PLEKHM3: variants seen among roughly 807,000 people sequenced by gnomAD.
PLEKHM3 encodes the protein pleckstrin homology domain containing M3, also known as pleckstrin homology domain-containing family M member 3.
Under a neutral mutation model 81.8 loss-of-function variants are expected in PLEKHM3, and 45 were observed. That is an observed-to-expected ratio of 0.55 (90% CI 0.43 to 0.71). The LOEUF (loss-of-function observed/expected upper bound fraction) is 0.71, where lower values mean the gene tolerates loss of function less well. Among genes scored for constraint, PLEKHM3 ranks in the 30% least tolerant of loss-of-function variants. The pLI is 0.00. For synonymous variants in PLEKHM3, 352 were observed against 356.4 expected (o/e 0.99, Z 0.14); for missense variants, 788 against 924.3 (o/e 0.85, Z 1.91).
intron 6 of PLEKHM3, among the ~76,000 whole-genome samples, chr2:207,886,092 A>C (rs1687877273): frequency 6.6e-6 from 1 of 152,164 alleles, no homozygotes; most frequent in African/African-American, 2.4e-5. Context: ...AACAAAAGCT[A>C]CCATCTATTT....
At chr2:207,894,967 T>C (rs1688175781) in intron 6 of PLEKHM3, among the ~76,000 whole-genome samples, 1 of 152,182 alleles carries the variant, frequency 6.6e-6, no homozygotes, top group African/African-American at 2.4e-5. Flanking sequence ...TTAAATGAGA[T>C]AATCCACGTA....
intron 4 of PLEKHM3, among the ~76,000 whole-genome samples, chr2:207,942,266 G>A (rs924033465): frequency 6.6e-6 from 1 of 152,102 alleles, no homozygotes; most frequent in Non-Finnish European, 1.5e-5. Flanking sequence ...TCATGCCTGT[G>A]GGAGGCCGAG....
At chr2:207,918,311 A>G (rs1689063206) in intron 5 of PLEKHM3, among the ~76,000 whole-genome samples, 1 of 152,198 alleles carries the variant, frequency 6.6e-6, no homozygotes, top group African/African-American at 2.4e-5. Context: ...TCACGAGGTC[A>G]GGAGATCAAG....
chr2:207,950,304 G>A (rs1175688195), intron 3 of PLEKHM3, among the ~76,000 whole-genome samples: 3 of 152,202 alleles, frequency 2.0e-5, no homozygotes, highest in East Asian at 1.9e-4. Flanking sequence ...TATACAGACC[G>A]TCACTAGTCT....
intron 2 of PLEKHM3, among the ~76,000 whole-genome samples, chr2:207,980,450 A>G (rs761058071): frequency 2.6e-5 from 4 of 152,146 alleles, no homozygotes; most frequent in Non-Finnish European, 5.9e-5. Context: ...TTCCCCACTC[A>G]CTAAGCAACA....
At chr2:207,866,787 T>C (rs952768777) in intron 6 of PLEKHM3, among the ~76,000 whole-genome samples, 1 of 152,226 alleles carries the variant, frequency 6.6e-6, no homozygotes, top group Non-Finnish European at 1.5e-5. Context: ...AGATCTACCC[T>C]GTCTTGATCT....
chr2:207,924,197 G>T (rs1294556269), intron 5 of PLEKHM3, among the ~76,000 whole-genome samples: 3 of 151,466 alleles, frequency 2.0e-5, no homozygotes, highest in Non-Finnish European at 4.4e-5. Flanking sequence ...GAGCTGCTGC[G>T]CCTGGCCCAC....
Position 207,896,186 on chromosome 2 carries a change from G to C in PLEKHM3, c.1950+12328C>G, listed in dbSNP as rs1192388826. ...CCCTAGAGCTGGAAGGGGCTGTAAAGATTGTTTAATCCAATCCTCTCACTT... is the reference window on the plus strand; with the variant it reads ...CCCTAGAGCTGGAAGGGGCTGTAAACATTGTTTAATCCAATCCTCTCACTT... On this transcript the variant is annotated intron_variant, in intron 6 of 7. Coordinates refer to ENST00000427836, the MANE Select transcript of PLEKHM3 (RefSeq NM_001080475.3). 2.0e-5 allele frequency among the ~76,000 whole-genome samples: 3 copies of C among 152,216 alleles called. 1 individual carries two copies. Among genetic ancestry groups the C allele is most frequent in the Non-Finnish European group, 2.9e-5 (2 of 68,030 alleles).
chr2:207,888,377 ACT>A (rs1491153842), intron 6 of PLEKHM3, among the ~76,000 whole-genome samples: 2 of 146,876 alleles, frequency 1.4e-5, no homozygotes, highest in Non-Finnish European at 3.0e-5. Context: ...ACACACACAC[ACT>A]TGGATAATTC....
intron 7 of PLEKHM3, among the ~76,000 whole-genome samples, chr2:207,853,331 C>G (rs183491034): frequency 1.3e-5 from 2 of 151,418 alleles, no homozygotes; most frequent in African/African-American, 4.9e-5. Context: ...GCAGGAGAAT[C>G]GCTTGAACCT....
chr2:207,934,946 A>G (rs1689699564), intron 4 of PLEKHM3, among the ~76,000 whole-genome samples: 1 of 152,216 alleles, frequency 6.6e-6, no homozygotes. Context: ...GCCCCTGGTG[A>G]TAACGTAATG....
chr2:207,860,149 C>T (rs914876190), intron 7 of PLEKHM3, among the ~76,000 whole-genome samples: 2 of 63,798 alleles, frequency 3.1e-5, no homozygotes, highest in Non-Finnish European at 6.4e-5. Flanking sequence ...TGAACTCTGC[C>T]TCTGTGTGTG....
chr2:207,975,021 G>A (rs2106026561), intron 3 of PLEKHM3, among the ~76,000 whole-genome samples: 1 of 152,028 alleles, frequency 6.6e-6, no homozygotes, highest in East Asian at 1.9e-4. Flanking sequence ...GTAGAGACGG[G>A]GTTTCACCAT....
At chr2:207,980,899 C>T (rs976777158) in intron 2 of PLEKHM3, among the ~76,000 whole-genome samples, 15 of 152,024 alleles carry the variant, frequency 9.9e-5, no homozygotes, top group Admixed American at 1.3e-4. Flanking sequence ...GAGGCTCAGG[C>T]GGGTGGATCA....
intron 4 of PLEKHM3, among the ~76,000 whole-genome samples, chr2:207,932,112 T>C (rs554524592): frequency 6.6e-6 from 1 of 151,938 alleles, no homozygotes; most frequent in Admixed American, 6.6e-5. Flanking sequence ...CAGAAAGGAG[T>C]TGCTCTTATT....
intron 4 of PLEKHM3, among the ~76,000 whole-genome samples, chr2:207,941,384 G>T (rs535593575): frequency 1.3e-5 from 2 of 152,330 alleles, no homozygotes; most frequent in African/African-American, 4.8e-5. Context: ...GGAAAGGACA[G>T]TCTCTTCAGT....
At chr2:207,902,370 ATGT>A (rs1199079550) in intron 6 of PLEKHM3, among the ~76,000 whole-genome samples, 1 of 152,210 alleles carries the variant, frequency 6.6e-6, no homozygotes, top group Non-Finnish European at 1.5e-5. Flanking sequence ...TCAGTAAAGT[ATGT>A]TGTTTAAAAG....
chr2:207,962,123 G>A (rs144187184), intron 3 of PLEKHM3, among the ~76,000 whole-genome samples: 4 of 152,246 alleles, frequency 2.6e-5, no homozygotes, highest in African/African-American at 4.8e-5. Context: ...GTCATAGTGG[G>A]CCACTAAATA....
chr2:208,016,266 C>A (rs979273184), intron 1 of PLEKHM3, among the ~76,000 whole-genome samples: 2 of 152,028 alleles, frequency 1.3e-5, no homozygotes, highest in Non-Finnish European at 2.9e-5. Flanking sequence ...GTTGGGGGGA[C>A]GGGCAAATAT....
Sources: allele counts gnomAD v4.1 joint callset (sites outside exome capture counted in the v4.1 genomes callset), GRCh38; gene constraint gnomAD v4.1.1; transcripts MANE v1.5; gene names NCBI Gene and HGNC (gene_info 2026-07-23, HGNC 2026-07-21).